Variants in CDH8 observed in about 807,000 individuals in gnomAD.
The protein encoded by CDH8 is cadherin 8, also known as cadherin-8.
CDH8 carries 17 observed loss-of-function variants against 68.1 expected under a neutral mutation model. The observed-to-expected ratio is 0.25, with a 90% CI of 0.17 to 0.37. The LOEUF is 0.37. Ranked by LOEUF, CDH8 falls within the 10% of genes least tolerant of loss-of-function variation. CDH8 has a pLI of 1.00. For missense variants in CDH8, 763 were observed against 999.3 expected, an observed-to-expected ratio of 0.76 and a Z score of 3.19; for synonymous variants, 372 against 365.1, an observed-to-expected ratio of 1.02 and a Z score of -0.21.
chr16:61,669,713 C>A (rs1453714435), intron 10 of CDH8, among the ~76,000 whole-genome samples: 1 of 151,878 alleles, frequency 6.6e-6, no homozygotes, highest in African/African-American at 2.4e-5. Context: ...ATTTGTATCT[C>A]GATTTAAATT....
At position 62,030,375 on chromosome 16, in the gene CDH8, GT is replaced by G. The variant is rs576878439; in HGVS notation, c.-200+5704del. On this transcript the variant is annotated intron_variant, in intron 1 of 11. Transcript: ENST00000577390. Reference sequence around the variant, plus strand: ...TAAAAATAAGTATGAATTGTTTTTTGTTTTTTTTTCATTTTTCTGAGCATCC... The same window carrying G: ...TAAAAATAAGTATGAATTGTTTTTTGTTTTTTTTCATTTTTCTGAGCATCC... Among the ~76,000 whole-genome samples the G allele has an allele frequency of 9.1e-3, 1,358 of 149,218 alleles. 19 individuals carry two copies. The highest frequency in any genetic ancestry group is 0.031 in the African/African-American group (1,263 of 40,692).
intron 2 of CDH8, among the ~76,000 whole-genome samples, chr16:62,004,669 C>G (rs1965944676): frequency 6.6e-6 from 1 of 152,168 alleles, no homozygotes. Flanking sequence ...CCTGGTGTTT[C>G]AAACACAAGG....
At chr16:61,732,559 A>C (rs1386230072) in intron 8 of CDH8, among the ~76,000 whole-genome samples, 2 of 151,808 alleles carry the variant, frequency 1.3e-5, no homozygotes, top group African/African-American at 4.8e-5. Context: ...TAGAGTCATC[A>C]CCAGATAAGC....
intron 10 of CDH8, among the ~76,000 whole-genome samples, chr16:61,691,066 GA>G (rs1964213230): frequency 6.6e-6 from 1 of 151,912 alleles, no homozygotes; most frequent in African/African-American, 2.4e-5. Context: ...CATTATCTTC[GA>G]AAAGGCCTGT....
At chr16:61,854,123 TACACATAC>T (rs994635806) in intron 4 of CDH8, among the ~76,000 whole-genome samples, 5 of 124,068 alleles carry the variant, frequency 4.0e-5, no homozygotes, top group African/African-American at 2.3e-4. Flanking sequence ...TGCACACATA[TACACATAC>T]ACACACACAC....
intron 10 of CDH8, among the ~76,000 whole-genome samples, chr16:61,690,654 T>C (rs1964201816): frequency 6.6e-6 from 1 of 152,012 alleles, no homozygotes; most frequent in African/African-American, 2.4e-5. Flanking sequence ...TTGTTGTTGT[T>C]GTTGTTTATT....
In CDH8 at chr16:61,691,491, C is replaced by T. The variant is rs546650048; in HGVS notation, c.1654+22350G>A. ...AAAATTCTTCATTGTGCCTCTGTCA[C>T]CCAATCTGCTTGAGATCCATTTGTC... On this transcript the variant is annotated intron_variant, in intron 10 of 11. Coordinates refer to ENST00000577390, the MANE Select transcript of CDH8 (RefSeq NM_001796.5). Among the ~76,000 whole-genome samples, 4 of 151,974 alleles carry T rather than the reference C, an allele frequency of 2.6e-5. No homozygotes were observed. The South Asian group carries it at 8.3e-4, about 32-fold the overall frequency.
chr16:61,826,270 A>G (rs1962332235), intron 4 of CDH8, among the ~76,000 whole-genome samples: 2 of 151,878 alleles, frequency 1.3e-5, no homozygotes, highest in Non-Finnish European at 2.9e-5. Flanking sequence ...TTCATTGTAC[A>G]ATATACTATA....
chr16:61,875,667 A>G lies in CDH8; in HGVS notation c.548-18429T>C, dbSNP rs372594175. ...GTTGACTGAAAAGTTTTCCTCTCCT[A>G]TATATGCTTCAAGGTTCACAGAAAG... On this transcript the variant is annotated intron_variant, in intron 3 of 11. Transcript: ENST00000577390. 1.6e-4 allele frequency among the ~76,000 whole-genome samples: 25 copies of G among 152,238 alleles called. 1 individual carries two copies. In the South Asian group the frequency reaches 5.0e-3, roughly 30 times the overall value.
At chr16:61,828,354 T>C (rs1962386316) in intron 4 of CDH8, among the ~76,000 whole-genome samples, 1 of 151,932 alleles carries the variant, frequency 6.6e-6, no homozygotes, top group Admixed American at 6.6e-5. Context: ...GTCTATGGAA[T>C]ATCCATTCTT....
At chr16:61,882,426 C>T (rs958613473) in intron 3 of CDH8, among the ~76,000 whole-genome samples, 4 of 152,134 alleles carry the variant, frequency 2.6e-5, no homozygotes, top group Admixed American at 2.0e-4. Context: ...GAAGAGCCCC[C>T]GCAGTTGTGT....
At chr16:61,888,920 G>A (rs112779880) in intron 3 of CDH8, among the ~76,000 whole-genome samples, 27 of 152,224 alleles carry the variant, frequency 1.8e-4, no homozygotes, top group African/African-American at 6.5e-4. Flanking sequence ...GATGAGATCT[G>A]TAAAGTCTGA....
At chr16:61,868,103 C>G (rs1963290128) in intron 3 of CDH8, among the ~76,000 whole-genome samples, 1 of 152,086 alleles carries the variant, frequency 6.6e-6, no homozygotes, top group Non-Finnish European at 1.5e-5. Context: ...TTGCAACAAG[C>G]CTCTGAGTCT....
chr16:61,774,341 A>C (rs1301524443), intron 8 of CDH8, among the ~76,000 whole-genome samples: 1 of 151,886 alleles, frequency 6.6e-6, no homozygotes, highest in African/African-American at 2.4e-5. Context: ...CTAACTCCCA[A>C]GATTGGTTAA....
At chr16:61,926,285 G>C (rs1008505402) in intron 2 of CDH8, among the ~76,000 whole-genome samples, 2 of 151,872 alleles carry the variant, frequency 1.3e-5, no homozygotes, top group Non-Finnish European at 2.9e-5. Flanking sequence ...TTGATCCTTT[G>C]GCAGATAATT....
chr16:61,871,984 A>AT (rs1435092016), intron 3 of CDH8, among the ~76,000 whole-genome samples: 2 of 152,256 alleles, frequency 1.3e-5, no homozygotes, highest in Middle Eastern at 3.4e-3. Flanking sequence ...TCTGCTCTGC[A>AT]TGAATGGTTT....
chr16:61,957,659 C>T (rs1469399752), intron 2 of CDH8, among the ~76,000 whole-genome samples: 3 of 152,174 alleles, frequency 2.0e-5, no homozygotes, highest in Non-Finnish European at 2.9e-5. Context: ...GTTCCAGCCA[C>T]ACAGGTTTTC....
At chr16:61,663,204 G>A (rs903524194) in intron 10 of CDH8, among the ~76,000 whole-genome samples, 1 of 152,098 alleles carries the variant, frequency 6.6e-6, no homozygotes, top group South Asian at 2.1e-4. Flanking sequence ...TTTCAAGTAC[G>A]TAGACTTGCT....
At chr16:61,671,410 A>G (rs1157852571) in intron 10 of CDH8, among the ~76,000 whole-genome samples, 2 of 151,676 alleles carry the variant, frequency 1.3e-5, no homozygotes, top group Admixed American at 1.3e-4. Context: ...ACCAGCTGAT[A>G]GCAATTTTCC....
Sources: allele counts gnomAD v4.1 joint callset (sites outside exome capture counted in the v4.1 genomes callset), GRCh38; gene constraint gnomAD v4.1.1; transcripts MANE v1.5; gene names NCBI Gene and HGNC (gene_info 2026-07-23, HGNC 2026-07-21).